The following TEX9 variants were observed in gnomAD, a reference collection of about 807,000 sequenced individuals.
The protein encoded by TEX9 is testis expressed 9.
TEX9 carries 74 observed loss-of-function variants against 59.6 expected under a neutral mutation model. The observed-to-expected ratio is 1.24, with a 90% CI of 1.03 to 1.51. TEX9 has a LOEUF of 1.51. Among genes scored for constraint, TEX9 ranks in the 40% most tolerant of loss-of-function variants. TEX9 has a pLI of 0.00. For synonymous variants in TEX9, 186 were observed against 152.2 expected (o/e 1.22, Z -1.64); for missense variants, 522 against 447.8 (o/e 1.17, Z -1.49).
intron 12 of TEX9, chr15:56,443,603 T>C: frequency 6.3e-7 from 1 of 1,593,390 alleles, no homozygotes; most frequent in Non-Finnish European, 8.5e-7. Flanking sequence ...TATTTCAGAA[T>C]TTTACTAGTG....
intron 1 of TEX9, chr15:56,274,725 T>C (rs1334141274): frequency 1.5e-5 from 2 of 134,242 alleles, no homozygotes; most frequent in Non-Finnish European, 3.4e-5. Flanking sequence ...GGCAGGCATG[T>C]TTTTTTTTTT....
chr15:56,276,220 G>C (rs2044664440), intron 1 of TEX9, among the ~76,000 whole-genome samples: 1 of 151,950 alleles, frequency 6.6e-6, no homozygotes, highest in Non-Finnish European at 1.5e-5. Flanking sequence ...GTGCAGGTTT[G>C]TTACATAGGT....
In TEX9 at chr15:56,365,678, A is replaced by G. The variant is rs774613415; in HGVS notation, c.119+8A>G. ...CTTGGAGGAAGAATATAAGTAAGAA[A>G]TTCGGCGGTTGAACTTTTCCTTCTT... On this transcript the variant is annotated splice_region_variant and intron_variant, in intron 2 of 12. Transcript: ENST00000352903. The G allele has an allele frequency of 1.4e-5, 23 of 1,613,714 alleles. No homozygotes were observed. In the East Asian group the frequency reaches 4.7e-4, roughly 33 times the overall value.
At chr15:56,440,086 T>C (rs1181004735) in intron 12 of TEX9, among the ~76,000 whole-genome samples, 1 of 151,866 alleles carries the variant, frequency 6.6e-6, no homozygotes, top group Non-Finnish European at 1.5e-5. Context: ...ACAACCCAAT[T>C]AGAGAATCAG....
At chr15:56,437,132 C>T (rs1006568711) in intron 12 of TEX9, among the ~76,000 whole-genome samples, 8 of 151,714 alleles carry the variant, frequency 5.3e-5, no homozygotes, top group African/African-American at 1.9e-4. Flanking sequence ...ATACTTTGGT[C>T]GTCTGTCATC....
At chr15:56,291,273 A>T (rs2045082429) in intron 1 of TEX9, among the ~76,000 whole-genome samples, 1 of 152,334 alleles carries the variant, frequency 6.6e-6, no homozygotes, top group South Asian at 2.1e-4. Flanking sequence ...CTTCATTATG[A>T]CCATAGAATG....
At chr15:56,300,710 A>G (rs201856464) in intron 1 of TEX9, among the ~76,000 whole-genome samples, 964 of 37,140 alleles carry the variant, frequency 0.026, 4 homozygotes, top group Non-Finnish European at 0.053. Context: ...AGAGAGAGGG[A>G]GAGAGAGAGA....
the TEX9 span, among the ~76,000 whole-genome samples, chr15:56,459,990 C>CAAAA: frequency 0.016 from 180 of 11,104 alleles, 42 homozygotes; most frequent in Non-Finnish European, 0.02. Flanking sequence ...AATTCTGTCT[C>CAAAA]AAAAAAAAAA....
chr15:56,433,978 T>C (rs1218458077), intron 12 of TEX9, among the ~76,000 whole-genome samples: 2 of 152,156 alleles, frequency 1.3e-5, no homozygotes, highest in Non-Finnish European at 2.9e-5. Flanking sequence ...TCAATAAATA[T>C]TTTCTAGAAG....
the TEX9 span, among the ~76,000 whole-genome samples, chr15:56,454,367 T>C: frequency 3.6e-5 from 2 of 55,792 alleles, no homozygotes; most frequent in African/African-American, 1.2e-4. Flanking sequence ...AATCCAATTA[T>C]ACTCTTTATT....
chr15:56,450,268 T>G (rs1463411903), downstream of TEX9, among the ~76,000 whole-genome samples: 4 of 152,218 alleles, frequency 2.6e-5, no homozygotes, highest in Non-Finnish European at 5.9e-5. Flanking sequence ...AAAATATATG[T>G]AACAAAAATT....
At chr15:56,347,254 AG>A (rs1169527481) in intron 1 of TEX9, among the ~76,000 whole-genome samples, 2 of 152,182 alleles carry the variant, frequency 1.3e-5, no homozygotes, top group African/African-American at 4.8e-5. Context: ...ATGAAAATCC[AG>A]GGGAACTAAA....
At chr15:56,339,411 A>AAAAAAAAAAAAAAC in intron 1 of TEX9, among the ~76,000 whole-genome samples, 1 of 150,246 alleles carries the variant, frequency 6.7e-6, no homozygotes, top group African/African-American at 2.5e-5. Flanking sequence ...AAAAAAAAAA[A>AAAAAAAAAAAAAAC]AAACAGGAGA....
chr15:56,392,821 T>A (rs187545069), intron 7 of TEX9, among the ~76,000 whole-genome samples: 18 of 152,220 alleles, frequency 1.2e-4, no homozygotes, highest in Admixed American at 1.1e-3. Flanking sequence ...TGATTGTTCC[T>A]CGGTAGAGGA....
At chr15:56,345,806 T>C (rs1486540530) in intron 1 of TEX9, among the ~76,000 whole-genome samples, 1 of 152,194 alleles carries the variant, frequency 6.6e-6, no homozygotes, top group Non-Finnish European at 1.5e-5. Context: ...TAGTAATAGC[T>C]TTGGGGCAAG....
At position 56,274,967 on chromosome 15, in the gene TEX9, C is replaced by T. The variant is rs911928656; in HGVS notation, c.-107+30689C>T. ...TGTGTTCCTGAGTTTCAGAATAGGT[C>T]ACTCTCCAAGGTATCTTACTTGCCA... On this transcript the variant is annotated intron_variant, in intron 1 of 5. Coordinates refer to the TEX9 transcript ENST00000560827. 4.6e-5 allele frequency among the ~76,000 whole-genome samples: 7 copies of T among 152,288 alleles called. No homozygotes were observed. In the East Asian group the frequency reaches 1.4e-3, roughly 29 times the overall value.
chr15:56,328,475 C>A (rs1328280593), intron 1 of TEX9, among the ~76,000 whole-genome samples: 1 of 152,112 alleles, frequency 6.6e-6, no homozygotes, highest in Non-Finnish European at 1.5e-5. Flanking sequence ...ACCAAGCAGG[C>A]TCTTGGGGTC....
intron 10 of TEX9, among the ~76,000 whole-genome samples, chr15:56,426,589 GTA>G (rs71110391): frequency 0.014 from 344 of 24,294 alleles, 6 homozygotes; most frequent in Non-Finnish European, 0.024. Context: ...TTGAAAAGGT[GTA>G]TATATATATA....
chr15:56,275,025 G>A (rs1403367492), intron 1 of TEX9, among the ~76,000 whole-genome samples: 2 of 152,172 alleles, frequency 1.3e-5, no homozygotes, highest in Non-Finnish European at 2.9e-5. Flanking sequence ...TTTTCCTGCT[G>A]ATGAGGCCAG....
Sources: gnomAD v4.1 joint callset for allele counts (sites outside exome capture counted in the v4.1 genomes callset) on GRCh38, gnomAD v4.1.1 for gene constraint, MANE v1.5 for transcripts, NCBI Gene and HGNC (gene_info 2026-07-23, HGNC 2026-07-21) for gene names.